The following NCKAP5 variants were observed in gnomAD, a reference collection of about 807,000 sequenced individuals.
NCKAP5 encodes NCK associated protein 5.
NCKAP5 carries 92 observed loss-of-function variants against 167.0 expected under a neutral mutation model. That is an observed-to-expected ratio of 0.55 (90% CI 0.47 to 0.66). The LOEUF is 0.66. NCKAP5 is among the 30% of genes least tolerant of loss of function. The pLI, the probability that NCKAP5 is intolerant of heterozygous loss-of-function variation, is 0.00. For missense variants in NCKAP5, 2,378 were observed against 2,315.0 expected (o/e 1.03, Z -0.56); for synonymous variants, 891 against 877.4 (o/e 1.02, Z -0.27).
intron 5 of NCKAP5, among the ~76,000 whole-genome samples, chr2:133,203,140 C>T (rs1012200389): frequency 8.5e-5 from 13 of 152,088 alleles, no homozygotes; most frequent in African/African-American, 2.2e-4. Flanking sequence ...GGAACCAACC[C>T]AAATGTCCAT....
chr2:132,878,734 A>G (rs1691515648), intron 9 of NCKAP5, 114 bp downstream of exon 9: 3 of 797,278 alleles, frequency 3.8e-6, no homozygotes, highest in Non-Finnish European at 6.5e-6. Flanking sequence ...ATTTCTTTGG[A>G]GGAGAAAATG....
At chr2:132,786,080 G>A (rs1683541346) in intron 13 of NCKAP5, among the ~76,000 whole-genome samples, 1 of 152,180 alleles carries the variant, frequency 6.6e-6, no homozygotes, top group African/African-American at 2.4e-5. Context: ...CCACAGACAG[G>A]TCTATTTGGA....
chr2:132,700,815 T>C (rs796526175), intron 19 of NCKAP5, among the ~76,000 whole-genome samples: 20 of 152,212 alleles, frequency 1.3e-4, no homozygotes, highest in African/African-American at 4.6e-4. Flanking sequence ...GATTCATATG[T>C]TTTTAGAAGT....
chr2:133,118,992 G>A (rs892314116), intron 6 of NCKAP5: 1 of 152,030 alleles, frequency 6.6e-6, no homozygotes, highest in African/African-American at 2.4e-5. Context: ...TGGTTGCCCA[G>A]TTTTTTGTTG....
At chr2:132,721,404 T>C (rs6736839) in intron 19 of NCKAP5, among the ~76,000 whole-genome samples, 89,978 of 151,924 alleles carry the variant, frequency 0.59, 27,617 homozygotes, top group African/African-American at 0.74. Context: ...CCAATAAGGC[T>C]TCACGATCTA....
chr2:132,980,877 T>A (rs2077116622), intron 7 of NCKAP5, among the ~76,000 whole-genome samples: 1 of 152,194 alleles, frequency 6.6e-6, no homozygotes, highest in Non-Finnish European at 1.5e-5. Context: ...CTATTTTATA[T>A]CTTAAGGGTA....
chr2:132,862,223 G>A (rs1689968242), intron 10 of NCKAP5, among the ~76,000 whole-genome samples: 1 of 152,174 alleles, frequency 6.6e-6, no homozygotes, highest in South Asian at 2.1e-4. Context: ...GATCTCGCTA[G>A]TAAAGCCTTC....
intron 4 of NCKAP5, among the ~76,000 whole-genome samples, chr2:133,241,149 A>G (rs2087685701): frequency 6.6e-6 from 1 of 152,212 alleles, no homozygotes; most frequent in Non-Finnish European, 1.5e-5. Flanking sequence ...GCTTTGAATG[A>G]AACATTCCCA....
intron 19 of NCKAP5, among the ~76,000 whole-genome samples, chr2:132,679,829 T>C (rs1684969728): frequency 6.6e-6 from 1 of 152,136 alleles, no homozygotes; most frequent in East Asian, 1.9e-4. Context: ...GTTGTGGGAA[T>C]GGTGAGGAGG....
chr2:133,483,627 A>AGC lies in NCKAP5; in HGVS notation c.69+33830_69+33831insGC, dbSNP rs1553651843. On this transcript the variant is annotated intron_variant, in intron 3 of 19. Transcript: ENST00000409261. ...CTTTGCTAATACTCTGCAAAAAAAA[A>AGC]GGGGGGGGGGCTTTTTCTCTCTTAA... Among the ~76,000 whole-genome samples, 357 of 140,756 alleles carry AGC rather than the reference A, an allele frequency of 2.5e-3. 4 individuals carry two copies. Among genetic ancestry groups the AGC allele is most frequent in the African/African-American group, 8.8e-3 (336 of 38,316 alleles). The allele number at this position is 140,756 out of a possible 152,430, so 92.3% of individuals were successfully genotyped here. A position where few individuals can be genotyped will look rare whatever the true frequency, so the allele number is the denominator to read the frequency against.
intron 8 of NCKAP5, among the ~76,000 whole-genome samples, chr2:132,920,773 A>ATGTATGTG (rs1175958033): frequency 2.6e-4 from 1 of 3,830 alleles, no homozygotes; most frequent in African/African-American, 4.6e-4. Context: ...ATATGTATGT[A>ATGTATGTG]TATATATATA....
chr2:132,954,843 G>A (rs1379389268), intron 8 of NCKAP5: 4 of 364,106 alleles, frequency 1.1e-5, no homozygotes, highest in East Asian at 1.6e-4. Context: ...TCAGAAAACT[G>A]CTAGTACAAA....
chr2:133,540,933 C>CAAAAAAAAA (rs10666328), intron 2 of NCKAP5, among the ~76,000 whole-genome samples: 2 of 100,052 alleles, frequency 2.0e-5, no homozygotes, highest in Non-Finnish European at 4.0e-5. Context: ...GACTCTGTCT[C>CAAAAAAAAA]AAAAAAAAAA....
chr2:133,046,416 G>A (rs2079400629), intron 6 of NCKAP5, among the ~76,000 whole-genome samples: 2 of 151,998 alleles, frequency 1.3e-5, no homozygotes, highest in Admixed American at 1.3e-4. Context: ...GTCTCCCTCT[G>A]TCCCCAGGCT....
intron 11 of NCKAP5, among the ~76,000 whole-genome samples, chr2:132,812,070 A>C (rs1462285007): frequency 6.6e-6 from 1 of 152,144 alleles, no homozygotes; most frequent in Admixed American, 6.5e-5. Flanking sequence ...TGTTTGGGAG[A>C]GGAAGGTCTC....
chr2:133,292,678 G>A (rs1679684828), intron 4 of NCKAP5, among the ~76,000 whole-genome samples: 1 of 152,132 alleles, frequency 6.6e-6, no homozygotes, highest in African/African-American at 2.4e-5. Context: ...CTTTTGGAGT[G>A]TTTCTTGAAG....
intron 11 of NCKAP5, among the ~76,000 whole-genome samples, chr2:132,859,442 G>A (rs1470430261): frequency 2.0e-5 from 3 of 152,176 alleles, no homozygotes; most frequent in East Asian, 3.9e-4. Flanking sequence ...TGTTGTCCAC[G>A]TGTGCTGTCT....
intron 4 of NCKAP5, among the ~76,000 whole-genome samples, chr2:133,251,457 T>C (rs72985673): frequency 0.026 from 3,915 of 152,274 alleles, 151 homozygotes; most frequent in African/African-American, 0.085. Flanking sequence ...TGCCGGACTT[T>C]ATTTGGCCAC....
chr2:133,195,958 A>G (rs2085418436), intron 5 of NCKAP5, among the ~76,000 whole-genome samples: 1 of 152,148 alleles, frequency 6.6e-6, no homozygotes, highest in South Asian at 2.1e-4. Context: ...AAACCCAGGA[A>G]TGGATTCCCC....
Sources: allele counts gnomAD v4.1 joint callset (sites outside exome capture counted in the v4.1 genomes callset), GRCh38; gene constraint gnomAD v4.1.1; transcripts MANE v1.5; gene names NCBI Gene and HGNC (gene_info 2026-07-23, HGNC 2026-07-21).